Variants in SDK1 observed in about 807,000 individuals in gnomAD.
The protein encoded by SDK1 is sidekick cell adhesion molecule 1, also known as protein sidekick-1.
A neutral mutation model predicts 245.5 loss-of-function variants in SDK1; 157 were observed. The observed-to-expected ratio is 0.64, with a 90% CI of 0.56 to 0.73. The LOEUF is 0.73. Ranked by LOEUF, SDK1 falls within the 30% of genes least tolerant of loss-of-function variation. The probability of loss-of-function intolerance (pLI) is 0.00; values close to 1 mark genes in which losing one functional copy is unlikely to be tolerated. For synonymous variants in SDK1, 1,647 were observed against 1,278.5 expected (o/e 1.29, Z -6.15); for missense variants, 3,583 against 3,002.3 (o/e 1.19, Z -4.52).
At chr7:3,928,418 C>G (rs1158220646) in intron 5 of SDK1, among the ~76,000 whole-genome samples, 3 of 152,156 alleles carry the variant, frequency 2.0e-5, no homozygotes, top group Admixed American at 6.5e-5. Flanking sequence ...CACATTTTAT[C>G]TACACGTACA....
chr7:3,781,484 C>T (rs576293248), intron 4 of SDK1, among the ~76,000 whole-genome samples: 2 of 152,086 alleles, frequency 1.3e-5, no homozygotes, highest in Non-Finnish European at 2.9e-5. Flanking sequence ...ACTGTCTTCT[C>T]AAATGTGCAG....
chr7:3,430,913 T>A (rs546861225), intron 1 of SDK1, among the ~76,000 whole-genome samples: 1 of 152,292 alleles, frequency 6.6e-6, no homozygotes, highest in African/African-American at 2.4e-5. Context: ...TGTTCGTTTG[T>A]GTTTTGAGAT....
intron 4 of SDK1, among the ~76,000 whole-genome samples, chr7:3,699,354 A>G (rs1299893078): frequency 6.6e-6 from 1 of 152,198 alleles, no homozygotes; most frequent in Non-Finnish European, 1.5e-5. Flanking sequence ...AATGCAATCA[A>G]TGAGGAATTA....
chr7:3,412,135 T>TGGTC lies in SDK1; in HGVS notation c.298+110251_298+110252insGGTC, dbSNP rs1779227541. Reference sequence around the variant, plus strand: ...ATTTGAAAGTAAACAGAAGTAGAGCTAGATTTAGGGGTGTAAGATGTGGGC... The same window carrying TGGTC: ...ATTTGAAAGTAAACAGAAGTAGAGCTGGTCAGATTTAGGGGTGTAAGATGTGGGC... On this transcript the variant is annotated intron_variant, in intron 1 of 44. Transcript: ENST00000404826. 2.0e-5 allele frequency among the ~76,000 whole-genome samples: 3 copies of TGGTC among 152,142 alleles called. No homozygotes were observed. The South Asian group carries it at 6.2e-4, about 32-fold the overall frequency.
chr7:3,838,807 G>T (rs1000777444), intron 5 of SDK1, among the ~76,000 whole-genome samples: 1 of 152,066 alleles, frequency 6.6e-6, no homozygotes, highest in Non-Finnish European at 1.5e-5. Flanking sequence ...TTGCACTCTT[G>T]TCTTTCTTAT....
intron 4 of SDK1, among the ~76,000 whole-genome samples, chr7:3,810,794 G>A (rs1055408397): frequency 7.2e-6 from 1 of 139,808 alleles, no homozygotes; most frequent in African/African-American, 2.5e-5. Context: ...CAGCACTAAA[G>A]TCTTGTAAAG....
chr7:3,674,165 A>G (rs1783814893), intron 4 of SDK1, among the ~76,000 whole-genome samples: 1 of 152,198 alleles, frequency 6.6e-6, no homozygotes, highest in Non-Finnish European at 1.5e-5. Flanking sequence ...CAAGAGCTAT[A>G]TCACTAAAAG....
chr7:3,694,703 G>A (rs561208619), intron 4 of SDK1, among the ~76,000 whole-genome samples: 74 of 152,218 alleles, frequency 4.9e-4, no homozygotes, highest in Non-Finnish European at 7.9e-4. Context: ...AAAAACATCC[G>A]TCTCTGGGCC....
chr7:4,073,396 G>A (rs1030058375), intron 20 of SDK1, among the ~76,000 whole-genome samples: 1 of 152,150 alleles, frequency 6.6e-6, no homozygotes, highest in African/African-American at 2.4e-5. Context: ...TTTGGTTTTT[G>A]TTTGTATCCA....
chr7:4,160,867 G>A lies in SDK1; in HGVS notation c.4730-919G>A, dbSNP rs111398439. Among the ~76,000 whole-genome samples, 442 of 152,300 alleles carry A rather than the reference G, an allele frequency of 2.9e-3. 2 individuals are homozygous for A. Among genetic ancestry groups the A allele is most frequent in the African/African-American group, 9.8e-3 (408 of 41,562 alleles). ...GCAGGCACTGCCAGGGCTGAGGAGG[G>A]GGTGTCTGGCAGGTCCAGAGGAAAA... On this transcript the variant is annotated intron_variant, in intron 31 of 44. Coordinates refer to ENST00000404826, the MANE Select transcript of SDK1 (RefSeq NM_152744.4).
At chr7:3,681,937 G>A (rs1784111997) in intron 4 of SDK1, among the ~76,000 whole-genome samples, 1 of 152,130 alleles carries the variant, frequency 6.6e-6, no homozygotes, top group Non-Finnish European at 1.5e-5. Context: ...TATACTGTAT[G>A]TAGCCCAGTA....
At chr7:3,822,346 G>A (rs1441619829) in intron 5 of SDK1, among the ~76,000 whole-genome samples, 1 of 152,172 alleles carries the variant, frequency 6.6e-6, no homozygotes, top group Non-Finnish European at 1.5e-5. Flanking sequence ...AACTAGTCAT[G>A]GCGGATGGTA....
chr7:4,128,415 G>A (rs537557907), intron 26 of SDK1, among the ~76,000 whole-genome samples: 10 of 152,328 alleles, frequency 6.6e-5, no homozygotes, highest in South Asian at 2.1e-4. Context: ...CCCGAGAAAC[G>A]CGCTTGCTGT....
chr7:3,464,825 G>T (rs995419720), intron 1 of SDK1, among the ~76,000 whole-genome samples: 1 of 151,516 alleles, frequency 6.6e-6, no homozygotes, highest in Non-Finnish European at 1.5e-5. Context: ...TTAAAAATTT[G>T]GACAAATTTT....
chr7:3,910,522 T>G (rs1036585262), intron 5 of SDK1, among the ~76,000 whole-genome samples: 1 of 152,198 alleles, frequency 6.6e-6, no homozygotes, highest in African/African-American at 2.4e-5. Context: ...CAAAAAGTAC[T>G]GAGTCATCGT....
At chr7:4,234,873 G>A (rs1320332083) in intron 41 of SDK1, among the ~76,000 whole-genome samples, 1 of 152,184 alleles carries the variant, frequency 6.6e-6, no homozygotes, top group African/African-American at 2.4e-5. Flanking sequence ...CGGCGTTGGG[G>A]CAGCAGAGCC....
intron 5 of SDK1, among the ~76,000 whole-genome samples, chr7:3,913,892 T>A (rs1779276467): frequency 6.6e-6 from 1 of 152,348 alleles, no homozygotes; most frequent in African/African-American, 2.4e-5. Flanking sequence ...TGACTGGAGA[T>A]GACTGATTTG....
At chr7:3,906,526 T>A (rs1469077841) in intron 5 of SDK1, among the ~76,000 whole-genome samples, 1 of 152,016 alleles carries the variant, frequency 6.6e-6, no homozygotes, top group Non-Finnish European at 1.5e-5. Context: ...CTGCTTGTGC[T>A]ATTGTCCTGC....
chr7:3,455,412 T>G (rs978568216), intron 1 of SDK1, among the ~76,000 whole-genome samples: 2 of 152,084 alleles, frequency 1.3e-5, no homozygotes, highest in Non-Finnish European at 2.9e-5. Context: ...TTCTATAGTT[T>G]TAAGCATTAC....
Sources: gnomAD v4.1 joint callset for allele counts (sites outside exome capture counted in the v4.1 genomes callset) on GRCh38, gnomAD v4.1.1 for gene constraint, MANE v1.5 for transcripts, NCBI Gene and HGNC (gene_info 2026-07-23, HGNC 2026-07-21) for gene names.